The following FRMPD4 variants were observed in gnomAD, a reference collection of about 807,000 sequenced individuals.
FRMPD4 encodes the protein FERM and PDZ domain containing 4, also known as FERM and PDZ domain-containing protein 4.
Under a neutral mutation model 94.1 loss-of-function variants are expected in FRMPD4, and 22 were observed. The observed-to-expected ratio is 0.23, with a 90% CI of 0.17 to 0.33. The LOEUF is 0.33. Among genes scored for constraint, FRMPD4 ranks in the 10% least tolerant of loss-of-function variants. The pLI, the probability that FRMPD4 is intolerant of heterozygous loss-of-function variation, is 1.00. For missense variants in FRMPD4, 1,111 were observed against 1,339.9 expected (o/e 0.83, Z 2.67); for synonymous variants, 631 against 548.6 (o/e 1.15, Z -2.10).
intron 2 of FRMPD4, among the ~76,000 whole-genome samples, chrX:12,579,996 G>T (rs1236584449): frequency 4.5e-5 from 5 of 112,202 alleles, no homozygotes; most frequent in African/African-American, 1.6e-4. Flanking sequence ...TTCCAGTATG[G>T]CCAAAGAAGT....
At chrX:11,949,092 A>C (rs1447380025) in intron 3 of FRMPD4, among the ~76,000 whole-genome samples, 2 of 112,137 alleles carry the variant, frequency 1.8e-5, no homozygotes, top group Non-Finnish European at 3.8e-5. Flanking sequence ...GTGGCTCTGA[A>C]GGGCACAGGT....
At chrX:12,599,940 G>C (rs763394843) in intron 2 of FRMPD4, among the ~76,000 whole-genome samples, 1 of 111,160 alleles carries the variant, frequency 9.0e-6, no homozygotes, top group Non-Finnish European at 1.9e-5. Flanking sequence ...TGAAATGAAG[G>C]TAAAATATAC....
At chrX:11,970,644 AGTTGGGAGTAAAATT>A (rs2147380400) in intron 3 of FRMPD4, among the ~76,000 whole-genome samples, 1 of 112,394 alleles carries the variant, frequency 8.9e-6, no homozygotes, top group Admixed American at 9.4e-5. Flanking sequence ...GTTAAAGCCA[AGTTGGGAGTAAAATT>A]TCTGCTGATT....
intron 1 of FRMPD4, among the ~76,000 whole-genome samples, chrX:12,497,104 GTTTA>G (rs1164452338): frequency 9.0e-6 from 1 of 111,251 alleles, no homozygotes; most frequent in African/African-American, 3.3e-5. Flanking sequence ...AAGGAAGATA[GTTTA>G]TTTGTTTTCA....
intron 3 of FRMPD4, among the ~76,000 whole-genome samples, chrX:11,970,650 G>T (rs1166298516): frequency 8.9e-6 from 1 of 112,126 alleles, no homozygotes; most frequent in African/African-American, 3.2e-5. Flanking sequence ...GCCAAGTTGG[G>T]AGTAAAATTT....
chrX:12,133,657 C>A (rs1026422504), upstream of FRMPD4, among the ~76,000 whole-genome samples: 3 of 111,640 alleles, frequency 2.7e-5, no homozygotes, highest in Admixed American at 2.8e-4. Flanking sequence ...TCCCCACCTC[C>A]TACATCTAAC....
intron 1 of FRMPD4, among the ~76,000 whole-genome samples, chrX:12,302,082 A>G (rs2054869995): frequency 1.8e-5 from 2 of 112,249 alleles, no homozygotes; most frequent in Admixed American, 1.9e-4. Flanking sequence ...CCCATACCTC[A>G]GTCCCAAGAT....
intron 3 of FRMPD4, among the ~76,000 whole-genome samples, chrX:11,980,385 A>T (rs191998660): frequency 9.1e-6 from 1 of 110,486 alleles, no homozygotes; most frequent in Non-Finnish European, 1.9e-5. Flanking sequence ...CTATTTTATA[A>T]TCTCTCCAAA....
chrX:12,560,257 A>G (rs758851339), intron 2 of FRMPD4, among the ~76,000 whole-genome samples: 51 of 110,403 alleles, frequency 4.6e-4, no homozygotes, highest in African/African-American at 1.6e-3. Flanking sequence ...AGTTGCCCAA[A>G]CTACATGAAA....
At chrX:12,650,029 C>T (rs941699107) in intron 4 of FRMPD4, among the ~76,000 whole-genome samples, 9 of 112,638 alleles carry the variant, frequency 8.0e-5, no homozygotes, top group Non-Finnish European at 1.1e-4. Context: ...CCTGGAGGCA[C>T]GTGGGTGAAT....
At chrX:12,426,079 G>C (rs184676003) in intron 1 of FRMPD4, among the ~76,000 whole-genome samples, 1 of 112,342 alleles carries the variant, frequency 8.9e-6, no homozygotes, top group South Asian at 3.7e-4. Flanking sequence ...TCTTATGACT[G>C]TTACTTGAGC....
At chrX:12,413,882 G>A (rs900610527) in intron 1 of FRMPD4, among the ~76,000 whole-genome samples, 2 of 111,901 alleles carry the variant, frequency 1.8e-5, no homozygotes, top group Non-Finnish European at 3.8e-5. Context: ...CAACCCTCCA[G>A]AATTGTCAGC....
chrX:12,277,180 A>T (rs1304421562), intron 1 of FRMPD4, among the ~76,000 whole-genome samples: 1 of 111,789 alleles, frequency 8.9e-6, no homozygotes, highest in Non-Finnish European at 1.9e-5. Context: ...TTTTTATTTA[A>T]CTCAGTAGAT....
intron 1 of FRMPD4, among the ~76,000 whole-genome samples, chrX:12,439,179 T>C (rs905006918): frequency 4.5e-5 from 5 of 111,372 alleles, no homozygotes; most frequent in African/African-American, 1.6e-4. Flanking sequence ...AGGATTCCTG[T>C]CCAGTAACCC....
At chrX:11,870,959 C>T (rs753717877) in intron 2 of FRMPD4, among the ~76,000 whole-genome samples, 2 of 112,225 alleles carry the variant, frequency 1.8e-5, no homozygotes, top group South Asian at 3.7e-4. Context: ...ACAGATCTCA[C>T]GATAGCAGAT....
intron 1 of FRMPD4, among the ~76,000 whole-genome samples, chrX:12,385,709 A>G (rs150409108): frequency 4.6e-4 from 52 of 112,684 alleles, no homozygotes; most frequent in African/African-American, 1.7e-3. Flanking sequence ...TAAGGAAAGT[A>G]TATTAACATG....
chrX:12,416,516 G>GTTCT (rs1302121976), intron 1 of FRMPD4, among the ~76,000 whole-genome samples: 2 of 112,264 alleles, frequency 1.8e-5, no homozygotes, highest in Non-Finnish European at 3.8e-5. Context: ...TTAATAATCC[G>GTTCT]TTCTTTTTCG....
At chrX:12,542,531 G>T (rs1381959875) in intron 2 of FRMPD4, among the ~76,000 whole-genome samples, 2 of 111,906 alleles carry the variant, frequency 1.8e-5, no homozygotes, top group Non-Finnish European at 3.8e-5. Context: ...CAACTTACAA[G>T]GGATGTGAAG....
chrX:12,153,668 G>A (rs766782755), intron 1 of FRMPD4, among the ~76,000 whole-genome samples: 167 of 112,409 alleles, frequency 1.5e-3, no homozygotes, highest in African/African-American at 4.7e-3. Flanking sequence ...TCATCTGAAT[G>A]CAAGAACATA....
Sources: gnomAD v4.1 joint callset for allele counts (sites outside exome capture counted in the v4.1 genomes callset) on GRCh38, gnomAD v4.1.1 for gene constraint, MANE v1.5 for transcripts, NCBI Gene and HGNC (gene_info 2026-07-23, HGNC 2026-07-21) for gene names.